Variants in HIVEP3 observed in about 807,000 individuals in gnomAD.
HIVEP3 encodes HIVEP zinc finger 3.
In HIVEP3, 49 loss-of-function variants were observed where a neutral mutation model predicts 152.8. That is an observed-to-expected ratio of 0.32 (90% CI 0.26 to 0.41). HIVEP3 has a LOEUF of 0.41. HIVEP3 is among the 10% of genes least tolerant of loss of function. The probability of loss-of-function intolerance (pLI) is 1.00; values close to 1 mark genes in which losing one functional copy is unlikely to be tolerated. For missense variants in HIVEP3, 2,790 were observed against 3,103.3 expected (o/e 0.90, Z 2.40); for synonymous variants, 1,269 against 1,289.0 (o/e 0.98, Z 0.33).
At chr1:41,593,974 C>T (rs1279930832) in intron 3 of HIVEP3, among the ~76,000 whole-genome samples, 1 of 152,162 alleles carries the variant, frequency 6.6e-6, no homozygotes, top group Non-Finnish European at 1.5e-5. Context: ...CTGGTAACAG[C>T]CAGCCGCATC....
At chr1:41,878,545 T>C (rs1169687692) in intron 1 of HIVEP3, among the ~76,000 whole-genome samples, 1 of 152,190 alleles carries the variant, frequency 6.6e-6, no homozygotes, top group African/African-American at 2.4e-5. Flanking sequence ...TATAGATTGA[T>C]GGTGGGGAGA....
intron 1 of HIVEP3, among the ~76,000 whole-genome samples, chr1:41,794,789 T>C (rs1461793237): frequency 1.3e-5 from 2 of 152,348 alleles, no homozygotes; most frequent in African/African-American, 2.4e-5. Flanking sequence ...GGGGAAGAAT[T>C]TTTTTAACTT....
chr1:41,563,359 G>C lies in HIVEP3; in HGVS notation c.5207+12185C>G, dbSNP rs74493405. On this transcript the variant is annotated intron_variant, in intron 5 of 8. Transcript: ENST00000372583. ...GACTCCATCTCAAAAAAAATAAATA[G>C]ATAAAAATTAAAAAAAAAAATAGTG... Among the ~76,000 whole-genome samples, 178 of 141,910 alleles carry C rather than the reference G, an allele frequency of 1.3e-3. 1 individual carries two copies. The highest frequency in any genetic ancestry group is 4.3e-3 in the African/African-American group (157 of 36,528). The allele number at this position is 141,910 out of a possible 152,430, so 93.1% of individuals were successfully genotyped here.
At chr1:41,744,079 G>A (rs1647034853) in intron 1 of HIVEP3, among the ~76,000 whole-genome samples, 1 of 151,330 alleles carries the variant, frequency 6.6e-6, no homozygotes. Flanking sequence ...TCACTCTGTC[G>A]CCGATGCTGG....
intron 1 of HIVEP3, among the ~76,000 whole-genome samples, chr1:41,737,929 C>G (rs1039290034): frequency 6.6e-6 from 1 of 152,202 alleles, no homozygotes; most frequent in Non-Finnish European, 1.5e-5. Context: ...ACTTGCCAGG[C>G]CCTGTGCTGG....
intron 4 of HIVEP3, 24 bp downstream of exon 4, chr1:41,579,713 G>C (rs1024148989): frequency 2.0e-6 from 3 of 1,527,836 alleles, no homozygotes; most frequent in Non-Finnish European, 2.6e-6. Flanking sequence ...TCAGTGATGA[G>C]AAGAAAAACA....
rs1382395516 is a variant in HIVEP3, at chr1:41,575,585, G to T, written c.5166C>A (p.Ser1722=). The change falls in exon 5 of 9, where the codon TCC becomes TCA. Residue 1722 remains serine (S), a synonymous_variant. Transcript: ENST00000372583. ...RGEPEEDAPA[S]QRGEPARIKI... ...TGATCCTCGCCGGCTCCCCTCTCTG[G>T]GAGGCAGGAGCATCCTCCTCCGGCT... 1 of 1,613,870 alleles carries T rather than the reference G, an allele frequency of 6.2e-7. No individual in the cohort carries two copies. The highest frequency in any genetic ancestry group is 8.5e-7 in the Non-Finnish European group (1 of 1,179,900).
intron 1 of HIVEP3, among the ~76,000 whole-genome samples, chr1:41,929,495 T>C (rs1644984862): frequency 1.3e-5 from 2 of 151,898 alleles, no homozygotes; most frequent in African/African-American, 4.8e-5. Flanking sequence ...CTGGAGCCTA[T>C]GTTTCCAAGA....
intron 1 of HIVEP3, among the ~76,000 whole-genome samples, chr1:41,947,046 A>G (rs1372222563): frequency 6.6e-6 from 1 of 152,150 alleles, no homozygotes; most frequent in African/African-American, 2.4e-5. Context: ...GACTTTAAAG[A>G]TGCCTTTTTC....
intron 1 of HIVEP3, among the ~76,000 whole-genome samples, chr1:41,910,234 T>C (rs914966159): frequency 1.3e-5 from 2 of 151,882 alleles, no homozygotes; most frequent in Admixed American, 1.3e-4. Flanking sequence ...AAAGTGGACA[T>C]AACCACAGAT....
At chr1:41,599,609 A>G (rs981212299) in intron 3 of HIVEP3, among the ~76,000 whole-genome samples, 1 of 152,232 alleles carries the variant, frequency 6.6e-6, no homozygotes, top group Non-Finnish European at 1.5e-5. Context: ...ACCTAAACTC[A>G]GAGATAAAAC....
chr1:41,512,867 A>C lies in HIVEP3; in HGVS notation c.6354T>G (p.Pro2118=). The C allele has an allele frequency of 6.5e-7, 1 of 1,548,778 alleles. No homozygotes were observed. Among genetic ancestry groups the C allele is most frequent in the Non-Finnish European group, 8.8e-7 (1 of 1,142,814 alleles). The change falls in exon 8 of 9, where the codon CCT becomes CCG. Residue 2118 remains proline, a synonymous_variant. Coordinates refer to ENST00000372583, the MANE Select transcript of HIVEP3 (RefSeq NM_024503.5). ...TTCTGCTGAGGAGCTTGTGAGGTAG[A>C]GGCGCGGGCGGGAAGAGAACCCGTG... ...LDPRVLFPPA[P]LPHKLLSRSP...
chr1:41,977,158 C>T (rs995922848), intron 1 of HIVEP3, among the ~76,000 whole-genome samples: 2 of 151,882 alleles, frequency 1.3e-5, no homozygotes, highest in African/African-American at 4.8e-5. Flanking sequence ...GTTATAACAG[C>T]GTGAGTGGAC....
chr1:41,749,593 T>C (rs1308507107), intron 1 of HIVEP3, among the ~76,000 whole-genome samples: 2 of 152,180 alleles, frequency 1.3e-5, no homozygotes, highest in African/African-American at 4.8e-5. Flanking sequence ...TGTCATTACA[T>C]AGATCAGCCG....
At position 41,954,783 on chromosome 1, in the gene HIVEP3, TTAGTCCGA is replaced by T. The variant is rs1286866920; in HGVS notation, n.120-36267_120-36260del. Among the ~76,000 whole-genome samples the T allele has an allele frequency of 1.7e-3, 256 of 152,356 alleles. 2 individuals are homozygous for T. Among genetic ancestry groups the T allele is most frequent in the African/African-American group, 5.9e-3 (244 of 41,594 alleles). ...CCCAGGGCAGGTTGCTTCATCGCTC[TTAGTCCGA>T]GTCTCCTCATTTGTGAAATAGGGGT... On this transcript the variant is annotated intron_variant and non_coding_transcript_variant, in intron 1 of 3. Transcript: ENST00000489103.
intron 7 of HIVEP3, among the ~76,000 whole-genome samples, chr1:41,514,316 T>C (rs552824691): frequency 1.3e-5 from 2 of 152,342 alleles, no homozygotes; most frequent in East Asian, 1.9e-4. Context: ...CTGGCACATA[T>C]TGAGGGCTTA....
At chr1:41,785,738 T>G (rs970046144) in intron 1 of HIVEP3, among the ~76,000 whole-genome samples, 2 of 152,250 alleles carry the variant, frequency 1.3e-5, no homozygotes, top group African/African-American at 4.8e-5. Context: ...AGCTCACGCC[T>G]GTAATCCCAG....
intron 1 of HIVEP3, 122 bp from the exon 2 acceptor site, chr1:41,701,117 T>C (rs12069013): frequency 0.03 from 6,184 of 208,652 alleles, 399 homozygotes; most frequent in African/African-American, 0.14. Flanking sequence ...CCCCGGCCAC[T>C]ACCCCTTCTC....
At chr1:41,923,493 G>A (rs1034702450), upstream of HIVEP3, among the ~76,000 whole-genome samples, 5 of 152,034 alleles carry the variant, frequency 3.3e-5, no homozygotes, top group East Asian at 1.9e-4. Context: ...AGGAGGTGGC[G>A]GGGGGAAGGG....
Sources: allele counts gnomAD v4.1 joint callset (sites outside exome capture counted in the v4.1 genomes callset), GRCh38; gene constraint gnomAD v4.1.1; transcripts MANE v1.5; gene names NCBI Gene and HGNC (gene_info 2026-07-23, HGNC 2026-07-21).